Variants in OR5B2 observed in about 807,000 individuals in gnomAD.
OR5B2 encodes the protein olfactory receptor family 5 subfamily B member 2.
For synonymous variants in OR5B2, 163 were observed against 140.8 expected (o/e 1.16, Z -1.11); for missense variants, 411 against 367.0 (o/e 1.12, Z -0.98).
Position 58,423,250 on chromosome 11 carries a change from A to C in OR5B2, c.12T>G (p.Cys4Trp), listed in dbSNP as rs756536993. 1.1e-5 allele frequency: 17 copies of C among 1,588,986 alleles called. No homozygotes were observed. The highest frequency in any genetic ancestry group is 1.5e-5 in the Non-Finnish European group (17 of 1,163,918). The change falls in exon 3 of 3, where the codon TGT becomes TGG. Residue 4 changes from cysteine (C) to tryptophan (W), a missense_variant. Cys to Trp is a radical substitution (Grantham distance 215). Coordinates refer to ENST00000641342, the MANE Select transcript of OR5B2 (RefSeq NM_001005566.3). The part of the protein sequence containing the change: MEN[C>W]TEVTKFILLG... ...GAAGAATGAACTTTGTCACTTCCGT[A>C]CAATTCTCCATCAGTATTATCTGAG...
At chr11:58,424,469 T>C (rs994983785) in intron 2 of OR5B2, among the ~76,000 whole-genome samples, 3 of 152,160 alleles carry the variant, frequency 2.0e-5, no homozygotes, top group African/African-American at 7.2e-5. Context: ...TTCTTCTGTT[T>C]AATTTCTTCC....
rs567151871 is a variant in OR5B2 at position 58,422,900 on chromosome 11, T to C, written c.362A>G (p.Tyr121Cys). 6.2e-7 allele frequency: 1 copy of C among 1,613,784 alleles called. No individual in the cohort carries two copies. Among genetic ancestry groups the C allele is most frequent in the South Asian group, 1.1e-5 (1 of 91,086 alleles). The part of the protein sequence containing the change: ...YLLASMAYDR[Y>C]AAVCKPLHYT... ...GTGTAGGGGTTTGCACACTGCTGCA[T>C]AGCGGTCATAGGCCATTGAGGCCAA... The change falls in exon 3 of 3, where the codon TAT becomes TGT. Residue 121 changes from tyrosine to cysteine, a missense_variant. Physicochemically the swap from Tyr to Cys is radical, Grantham distance 194. Coordinates refer to ENST00000641342, the MANE Select transcript of OR5B2 (RefSeq NM_001005566.3).
Position 58,422,312 on chromosome 11 carries a change from A to G in OR5B2, c.*20T>C. On this transcript the variant is annotated 3_prime_UTR_variant, in exon 3 of 3. Transcript: ENST00000641342. Reference sequence around the variant, plus strand: ...GGGAAACAACATTTTTGTGTATACAACAATGTTAAAATTCCAAACTTATAG... The same window carrying G: ...GGGAAACAACATTTTTGTGTATACAGCAATGTTAAAATTCCAAACTTATAG... 6.6e-7 allele frequency: 1 copy of G among 1,522,510 alleles called. No homozygotes were observed. The highest frequency in any genetic ancestry group is 9.1e-7 in the Non-Finnish European group (1 of 1,101,716). The allele number at this position is 1,522,510 out of a possible 1,614,324, so 94.3% of individuals were successfully genotyped here.
chr11:58,423,062 A>C lies in OR5B2; in HGVS notation c.200T>G (p.Val67Gly). 1 of 1,613,706 alleles carries C rather than the reference A, an allele frequency of 6.2e-7. No homozygotes were observed. The highest frequency in any genetic ancestry group is 8.5e-7 in the Non-Finnish European group (1 of 1,179,762). Residue 67 changes from valine (V) to glycine (G), a missense_variant, in exon 3 of 3, where the codon GTG becomes GGG. Physicochemically the swap from Val to Gly is moderately radical, Grantham distance 109 (BLOSUM62 -3). Transcript: ENST00000641342. ...GACAGCTGAGGAGTATCCAAAGTCC[A>C]CCAGAGACAGGTTACTGAGGAAAAA... ...MYFFLSNLSL[V>G]DFGYSSAVTP...
chr11:58,423,364 AT>A (rs1057240877), intron 2 of OR5B2, 75 bp from the exon 3 acceptor site: 3 of 616,060 alleles, frequency 4.9e-6, no homozygotes, highest in Non-Finnish European at 8.0e-6. Context: ...TACTATATGC[AT>A]TATGTAATTA....
rs528556449 is a variant in OR5B2 at position 58,421,716 on chromosome 11, A to G, written c.*616T>C. 3 of 152,254 alleles carry G rather than the reference A, an allele frequency of 2.0e-5. No individual in the cohort carries two copies. The highest frequency in any genetic ancestry group is 1.3e-4 in the Admixed American group (2 of 15,276). 9.4% of individuals were successfully genotyped at this position (152,254 alleles called of 1,614,324 possible). A position where few individuals can be genotyped will look rare whatever the true frequency, so the allele number is the denominator to read the frequency against. On this transcript the variant is annotated 3_prime_UTR_variant, in exon 3 of 3. Transcript: ENST00000641342. ...ATGATGTGTCAATGTAGGTTCATCAATTGTAAAAAATGTAGCACTCTGTTG... is the reference window on the plus strand; with the variant it reads ...ATGATGTGTCAATGTAGGTTCATCAGTTGTAAAAAATGTAGCACTCTGTTG...
chr11:58,424,733 A>G (rs1040278189), intron 2 of OR5B2, among the ~76,000 whole-genome samples: 1 of 152,158 alleles, frequency 6.6e-6, no homozygotes, highest in Non-Finnish European at 1.5e-5. Context: ...TCTGCTAACT[A>G]CTACTGCCTA....
intron 2 of OR5B2, among the ~76,000 whole-genome samples, chr11:58,425,854 C>T (rs559244228): frequency 2.9e-4 from 44 of 152,008 alleles, no homozygotes; most frequent in South Asian, 2.3e-3. Flanking sequence ...TGTGTATGTG[C>T]GTGTGTACAC....
chr11:58,422,566 G>C lies in OR5B2; in HGVS notation c.696C>G (p.His232Gln). 1.9e-6 allele frequency: 3 copies of C among 1,613,626 alleles called. No homozygotes were observed. Among genetic ancestry groups the C allele is most frequent in the Non-Finnish European group, 2.5e-6 (3 of 1,179,712 alleles). ...TILKMHSAKG[H>Q]QKALSTCASH... ...AGGCACAGGTGGACAATGCTTTTTG[G>C]TGTCCCTTAGCTGAATGCATCTTCA... Residue 232 changes from histidine to glutamine, a missense_variant, in exon 3 of 3, where the codon CAC (histidine) becomes CAG (glutamine). Coordinates refer to ENST00000641342, the MANE Select transcript of OR5B2 (RefSeq NM_001005566.3).
At position 58,422,159 on chromosome 11, in the gene OR5B2, A is replaced by C. The variant is rs1466120584; in HGVS notation, c.*173T>G. 4.0e-6 allele frequency: 2 copies of C among 494,324 alleles called. No individual in the cohort carries two copies. Among genetic ancestry groups the C allele is most frequent in the East Asian group, 6.0e-5 (2 of 33,146 alleles). 30.6% of individuals were successfully genotyped at this position (494,324 alleles called of 1,614,324 possible). ...ATTTAGCCTTCCTCATTCAGGTATT[A>C]CATTTCTGATAATATTTTATTTTTA... On this transcript the variant is annotated 3_prime_UTR_variant, in exon 3 of 3. Coordinates refer to ENST00000641342, the MANE Select transcript of OR5B2 (RefSeq NM_001005566.3).
rs753817661 is a variant in OR5B2 at position 58,422,750 on chromosome 11, A to C, written c.512T>G (p.Leu171Arg). The change falls in exon 3 of 3, where the codon CTG becomes CGG. Residue 171 changes from leucine to arginine, a missense_variant. Coordinates refer to ENST00000641342, the MANE Select transcript of OR5B2 (RefSeq NM_001005566.3). Reference protein sequence around the residue: ...IFSLSFCKSNLVHHFFCDVPA... With the variant: ...IFSLSFCKSNRVHHFFCDVPA... Reference sequence around the variant, plus strand: ...AACATCACAGAAAAAGTGATGTACCAGATTGGATTTACAGAAAGAGAGACT... The same window carrying C: ...AACATCACAGAAAAAGTGATGTACCCGATTGGATTTACAGAAAGAGAGACT... 33 of 1,613,734 alleles carry C rather than the reference A, an allele frequency of 2.0e-5. No individual in the cohort carries two copies. Among genetic ancestry groups the C allele is most frequent in the Non-Finnish European group, 2.8e-5 (33 of 1,179,892 alleles).
intron 2 of OR5B2, 94 bp from the exon 3 acceptor site, chr11:58,423,383 A>T: frequency 1.8e-6 from 1 of 557,632 alleles, no homozygotes; most frequent in Non-Finnish European, 3.0e-6. Context: ...TTATAGCAAC[A>T]ATTTGTACTT....
At chr11:58,424,560 A>T (rs967204497) in intron 2 of OR5B2, among the ~76,000 whole-genome samples, 3 of 152,022 alleles carry the variant, frequency 2.0e-5, no homozygotes, top group African/African-American at 7.2e-5. Context: ...GTCATCTCTT[A>T]GTTGACCCTT....
chr11:58,426,148 TGTGTGTATAAGGGTTTTG>T (rs1855334226), intron 2 of OR5B2, among the ~76,000 whole-genome samples: 4 of 151,564 alleles, frequency 2.6e-5, no homozygotes, highest in African/African-American at 9.8e-5. Context: ...ATGGATTTTT[TGTGTGTATAAGGGTTTTG>T]TTTTTTGTTT....
chr11:58,423,167 A>G lies in OR5B2; in HGVS notation c.95T>C (p.Ile32Thr). ...GTTCCCACACAGAGTGAGGAGGTAGATGAAGGTGAACAAGATAAAGAGGGG... is the reference window on the plus strand; with the variant it reads ...GTTCCCACACAGAGTGAGGAGGTAGGTGAAGGTGAACAAGATAAAGAGGGG... ...QIPLFILFTF[I>T]YLLTLCGNLG... Residue 32 changes from isoleucine to threonine, a missense_variant, in exon 3 of 3, where the codon ATC (isoleucine) becomes ACC (threonine). Physicochemically the swap from Ile to Thr is moderately conservative, Grantham distance 89. Coordinates refer to ENST00000641342, the MANE Select transcript of OR5B2 (RefSeq NM_001005566.3). The G allele has an allele frequency of 1.2e-6, 2 of 1,613,656 alleles. No individual in the cohort carries two copies. Among genetic ancestry groups the G allele is most frequent in the Middle Eastern group, 1.7e-4 (1 of 6,056 alleles).
chr11:58,427,397 T>A (rs1382157319), intron 1 of OR5B2, among the ~76,000 whole-genome samples: 1 of 152,218 alleles, frequency 6.6e-6, no homozygotes, highest in Non-Finnish European at 1.5e-5. Context: ...GAAACTAGGC[T>A]AAAGTGTTAT....
rs746932166 is a variant in OR5B2, at chr11:58,422,408, G to T, written c.854C>A (p.Pro285His). 1 of 1,613,640 alleles carries T rather than the reference G, an allele frequency of 6.2e-7. No individual in the cohort carries two copies. Among genetic ancestry groups the T allele is most frequent in the South Asian group, 1.1e-5 (1 of 91,070 alleles). ...TCTGTTCCTCAGGCTGTAGACCACA[G>T]GGTTCAGCATGGGGATGATCATAGC... Reference protein sequence around the residue: ...FYAMIIPMLNPVVYSLRNREV... With the variant: ...FYAMIIPMLNHVVYSLRNREV... The change falls in exon 3 of 3, where the codon CCT becomes CAT. Residue 285 changes from proline (P) to histidine (H), a missense_variant. By Grantham distance (77) the Pro-to-His change is moderately conservative (BLOSUM62 -2). Coordinates refer to ENST00000641342, the MANE Select transcript of OR5B2 (RefSeq NM_001005566.3).
Position 58,423,181 on chromosome 11 carries a change from G to A in OR5B2, c.81C>T (p.Ile27=), listed in dbSNP as rs1855300650. ...TGAGGAGGTAGATGAAGGTGAACAA[G>A]ATAAAGAGGGGGATCTGTAGTTCTG... ...SVPELQIPLF[I]LFTFIYLLTL... is the part of the protein sequence containing the mutation. The change falls in exon 3 of 3, where the codon ATC becomes ATT. Residue 27 remains isoleucine (I), a synonymous_variant. Coordinates refer to ENST00000641342, the MANE Select transcript of OR5B2 (RefSeq NM_001005566.3). 4 of 1,613,468 alleles carry A rather than the reference G, an allele frequency of 2.5e-6. No individual in the cohort carries two copies. Among genetic ancestry groups the A allele is most frequent in the Admixed American group, 3.3e-5 (2 of 59,940 alleles).
intron 2 of OR5B2, among the ~76,000 whole-genome samples, chr11:58,426,166 G>T (rs867013383): frequency 0.021 from 3,153 of 149,362 alleles, 154 homozygotes; most frequent in African/African-American, 0.077. Context: ...TAAGGGTTTT[G>T]TTTTTTGTTT....
Sources: gnomAD v4.1 joint callset for allele counts (sites outside exome capture counted in the v4.1 genomes callset) on GRCh38, gnomAD v4.1.1 for gene constraint, MANE v1.5 for transcripts, NCBI Gene and HGNC (gene_info 2026-07-23, HGNC 2026-07-21) for gene names.